The following DNA2 variants were observed in gnomAD, a reference collection of about 807,000 sequenced individuals.
The protein encoded by DNA2 is DNA replication helicase/nuclease 2.
In DNA2, 101 loss-of-function variants were observed where a neutral mutation model predicts 119.1. The observed-to-expected ratio is 0.85, with a 90% CI of 0.72 to 1.00. DNA2 has a LOEUF of 1.00. Among genes scored for constraint, DNA2 ranks in the 50% least tolerant of loss-of-function variants. The pLI is 0.00. For missense variants in DNA2, 1,121 were observed against 1,255.5 expected, an observed-to-expected ratio of 0.89 and a Z score of 1.62; for synonymous variants, 366 against 424.4, an observed-to-expected ratio of 0.86 and a Z score of 1.69.
intron 6 of DNA2, 135 bp from the exon 7 acceptor site, chr10:68,446,548 A>T: frequency 1.6e-6 from 1 of 631,954 alleles, no homozygotes; most frequent in African/African-American, 1.8e-5. Flanking sequence ...ACATGAGCCA[A>T]ATTGGTAAAG....
intron 2 of DNA2, among the ~76,000 whole-genome samples, chr10:68,469,708 G>A (rs551024678): frequency 2.0e-5 from 3 of 152,046 alleles, no homozygotes; most frequent in East Asian, 1.9e-4. Flanking sequence ...GAGGTGATCC[G>A]CCTGCCTTGG....
chr10:68,460,020 C>T (rs2052234415), intron 4 of DNA2, among the ~76,000 whole-genome samples: 1 of 127,470 alleles, frequency 7.8e-6, no homozygotes, highest in South Asian at 2.8e-4. Flanking sequence ...GAGCAAGACT[C>T]CATCACAAAT....
In DNA2 at chr10:68,450,128, A is replaced by G. The variant is rs1051273551; in HGVS notation, c.839T>C (p.Val280Ala). ...ATACCCTCGATGTATTTTCACACCA[A>G]CTGTAACATCTATTTTGCCTTTCAA... is the stretch of plus-strand genomic sequence containing the variant. ...FGLKGKIDVTVGVKIHRGYKT... is the reference protein window; with the variant it reads ...FGLKGKIDVTAGVKIHRGYKT... The change falls in exon 6 of 21, where the codon GTT becomes GCT. Residue 280 changes from valine (V) to alanine (A), a missense_variant. Transcript: ENST00000358410. The G allele has an allele frequency of 3.7e-6, 6 of 1,607,232 alleles. No individual in the cohort carries two copies. In the African/African-American group the frequency reaches 8.0e-5, roughly 21 times the overall value.
rs11818335 is a variant in DNA2 at position 68,471,655 on chromosome 10, G to A, written c.74+136C>T. 112,033 of 1,090,694 alleles carry A rather than the reference G, an allele frequency of 0.1. 6,930 individuals are homozygous for A. The highest frequency in any genetic ancestry group is 0.24 in the South Asian group (13,275 of 54,854). The allele number at this position is 1,090,694 out of a possible 1,614,324, so 67.6% of individuals were successfully genotyped here. On this transcript the variant is annotated intron_variant, in intron 1 of 20. Coordinates refer to ENST00000358410, the MANE Select transcript of DNA2 (RefSeq NM_001080449.3). Reference sequence around the variant, plus strand: ...AGGCAGGCCCCGACTCCGGAGGCTCGTCGGGTGCCCAGGGAGCTGCACCGG... The same window carrying A: ...AGGCAGGCCCCGACTCCGGAGGCTCATCGGGTGCCCAGGGAGCTGCACCGG...
intron 14 of DNA2, among the ~76,000 whole-genome samples, chr10:68,424,071 T>G (rs984888751): frequency 1.2e-4 from 18 of 152,284 alleles, no homozygotes; most frequent in Non-Finnish European, 1.5e-5. Flanking sequence ...GTCAGAACTA[T>G]CTGACCAAGA....
In DNA2 at chr10:68,459,212, T is replaced by G; in HGVS notation, c.611A>C (p.Asp204Ala). Residue 204 changes from aspartate to alanine, a missense_variant, in exon 5 of 21, where the codon GAT (aspartate) becomes GCT (alanine). By Grantham distance (126) the Asp-to-Ala change is moderately radical (BLOSUM62 -2). Coordinates refer to ENST00000358410, the MANE Select transcript of DNA2 (RefSeq NM_001080449.3). ...GTCCTCTACTTCTTGTTTTATTTCA[T>G]CTTGACTTAGATTTAAGCGGTACCT... ...KEMYRLNLSQ[D>A]EIKQEVEDYL... 1 of 1,561,882 alleles carries G rather than the reference T, an allele frequency of 6.4e-7. No individual in the cohort carries two copies. The highest frequency in any genetic ancestry group is 8.7e-7 in the Non-Finnish European group (1 of 1,152,576).
intron 14 of DNA2, among the ~76,000 whole-genome samples, chr10:68,427,586 C>G (rs12357946): frequency 0.071 from 10,596 of 150,020 alleles, 554 homozygotes; most frequent in African/African-American, 0.15. Flanking sequence ...AAGGTCAGGG[C>G]TGCAGTGAGG....
chr10:68,445,473 A>T (rs2052026770), intron 7 of DNA2, among the ~76,000 whole-genome samples: 1 of 152,084 alleles, frequency 6.6e-6, no homozygotes, highest in Non-Finnish European at 1.5e-5. Flanking sequence ...CAAAAAAATA[A>T]ATAAATAAAT....
chr10:68,458,888 T>A (rs1263847493), intron 5 of DNA2, among the ~76,000 whole-genome samples: 4 of 152,126 alleles, frequency 2.6e-5, no homozygotes, highest in Admixed American at 6.6e-5. Flanking sequence ...TATCTACATA[T>A]AGAAAATAAG....
At chr10:68,439,838 CA>C (rs371354812) in intron 9 of DNA2, among the ~76,000 whole-genome samples, 313 of 122,614 alleles carry the variant, frequency 2.6e-3, no homozygotes, top group Middle Eastern at 8.6e-3. Context: ...AATTCTGTCT[CA>C]AAAAAAAAAA....
intron 4 of DNA2, among the ~76,000 whole-genome samples, chr10:68,460,528 C>G (rs1046540834): frequency 2.6e-5 from 4 of 151,658 alleles, no homozygotes; most frequent in Admixed American, 6.6e-5. Flanking sequence ...CTGCCTCAGT[C>G]CCCTGAGTAG....
intron 5 of DNA2, 76 bp from the exon 6 acceptor site, chr10:68,450,323 A>G (rs1341508526): frequency 3.6e-6 from 4 of 1,108,536 alleles, no homozygotes; most frequent in Non-Finnish European, 3.9e-6. Context: ...CTGACTGCCT[A>G]TTACACACAG....
chr10:68,468,982 G>A (rs952953595), intron 2 of DNA2, among the ~76,000 whole-genome samples: 3 of 152,074 alleles, frequency 2.0e-5, no homozygotes, highest in East Asian at 1.9e-4. Flanking sequence ...CCCAGGAAGC[G>A]GAGGTTGCAG....
intron 3 of DNA2, among the ~76,000 whole-genome samples, chr10:68,466,031 T>TC (rs1317408078): frequency 6.6e-6 from 1 of 152,062 alleles, no homozygotes; most frequent in Non-Finnish European, 1.5e-5. Flanking sequence ...CTTTTTTTTT[T>TC]CTTTTTTGAG....
chr10:68,419,262 A>C, intron 18 of DNA2, 49 bp from the exon 19 acceptor site: 1 of 1,356,886 alleles, frequency 7.4e-7, no homozygotes, highest in Non-Finnish European at 9.7e-7. Flanking sequence ...TGATTAAGTT[A>C]AACTTTTCTG....
At chr10:68,436,586 T>C (rs2051891714) in intron 10 of DNA2, among the ~76,000 whole-genome samples, 1 of 152,230 alleles carries the variant, frequency 6.6e-6, no homozygotes, top group East Asian at 1.9e-4. Context: ...GTTATATGAA[T>C]TTTACCTCAA....
intron 19 of DNA2, among the ~76,000 whole-genome samples, chr10:68,418,658 G>A (rs949301706): frequency 2.1e-5 from 3 of 143,056 alleles, no homozygotes; most frequent in Non-Finnish European, 4.5e-5. Context: ...TGTTCTCAAT[G>A]TTAAACCGCA....
At chr10:68,415,990 G>A (rs776471477) in intron 20 of DNA2, among the ~76,000 whole-genome samples, 1 of 152,144 alleles carries the variant, frequency 6.6e-6, no homozygotes. Flanking sequence ...AAGGCCAGGT[G>A]CAGTGGCTCA....
intron 6 of DNA2, among the ~76,000 whole-genome samples, chr10:68,447,204 T>C (rs1424986998): frequency 6.6e-6 from 1 of 151,852 alleles, no homozygotes; most frequent in Non-Finnish European, 1.5e-5. Flanking sequence ...AAAAGACATG[T>C]ATGTAAAAAA....
Sources: gnomAD v4.1 joint callset for allele counts (sites outside exome capture counted in the v4.1 genomes callset) on GRCh38, gnomAD v4.1.1 for gene constraint, MANE v1.5 for transcripts, NCBI Gene and HGNC (gene_info 2026-07-23, HGNC 2026-07-21) for gene names.